The following FBXO8 variants were observed in gnomAD, a reference collection of about 807,000 sequenced individuals.
FBXO8 encodes the protein F-box protein 8.
Under a neutral mutation model 33.4 loss-of-function variants are expected in FBXO8, and 15 were observed. That is an observed-to-expected ratio of 0.45 (90% CI 0.30 to 0.69). The LOEUF is 0.69. Ranked by LOEUF, FBXO8 falls within the 30% of genes least tolerant of loss-of-function variation. FBXO8 has a pLI of 0.08. For synonymous variants in FBXO8, 132 were observed against 131.5 expected (o/e 1.00, Z -0.02); for missense variants, 274 against 380.3 (o/e 0.72, Z 2.32).
rs1201204736 is a variant in FBXO8, at chr4:174,247,492, T to C, written c.457-6274A>G. Among the ~76,000 whole-genome samples, 1 of 152,042 alleles carries C rather than the reference T, an allele frequency of 6.6e-6. No individual in the cohort carries two copies. The highest frequency in any genetic ancestry group is 1.5e-5 in the Non-Finnish European group (1 of 67,964). On this transcript the variant is annotated intron_variant, in intron 3 of 5. Coordinates refer to ENST00000393674, the MANE Select transcript of FBXO8 (RefSeq NM_012180.3). The surrounding 1 kb of genome is among the most constrained non-coding windows in gnomAD (Gnocchi z 4.6). ...AATTGGATACTGCATTTAATTTTCT[T>C]TTAAAAAAACATTTTGAAGACTTTA...
rs377627293 is a variant in FBXO8, at chr4:174,241,651, A to AT, written c.457-434dup. ...TGCCTTTCAAGGAAAGAGCTTCTTG[A>AT]TAAAAAAATGCTCCAAATGAAAGAC... On this transcript the variant is annotated intron_variant, in intron 3 of 5. Transcript: ENST00000393674. The surrounding 1 kb of genome is among the most constrained non-coding windows in gnomAD (Gnocchi z 4.2). Among the ~76,000 whole-genome samples, 315 of 149,188 alleles carry AT rather than the reference A, an allele frequency of 2.1e-3. No homozygotes were observed. In the Middle Eastern group the frequency reaches 0.024, roughly 11 times the overall value.
At chr4:174,269,112 C>A (rs1736771237) in intron 1 of FBXO8, 1 of 152,144 alleles carries the variant, frequency 6.6e-6, no homozygotes, top group Non-Finnish European at 1.5e-5. Context: ...TTGAGAGGAT[C>A]TATAGAATTC....
At chr4:174,240,312 T>C (rs1034480631) in intron 4 of FBXO8, among the ~76,000 whole-genome samples, 4 of 151,744 alleles carry the variant, frequency 2.6e-5, no homozygotes, top group Non-Finnish European at 3.0e-5. Flanking sequence ...ATCTTAATCA[T>C]CCGTGTGCTA....
chr4:174,276,324 G>GAA (rs1207119240), intron 1 of FBXO8, among the ~76,000 whole-genome samples: 7 of 152,010 alleles, frequency 4.6e-5, no homozygotes, highest in Non-Finnish European at 1.0e-4. Context: ...TGCAACCTCT[G>GAA]CCTCCTGGGT....
intron 1 of FBXO8, among the ~76,000 whole-genome samples, chr4:174,271,499 C>A (rs1736837727): frequency 6.6e-6 from 1 of 152,026 alleles, no homozygotes; most frequent in Non-Finnish European, 1.5e-5. Context: ...TAACAATGGA[C>A]CACAACCTCT....
rs1736415065 is a variant in FBXO8, at chr4:174,256,368, C to T, written c.456+3331G>A. ...TAAAATAATATATCTGATGACAGTG[C>T]TCCAGTGAGTGGGGAAAAAGAAAAC... On this transcript the variant is annotated intron_variant, in intron 3 of 5. Transcript: ENST00000393674. This position sits in a 1 kb window ranked among gnomAD's most constrained non-coding sequence, Gnocchi z 4.6. Among the ~76,000 whole-genome samples the T allele has an allele frequency of 2.0e-5, 3 of 152,128 alleles. No homozygotes were observed. The highest frequency in any genetic ancestry group is 7.2e-5 in the African/African-American group (3 of 41,434).
intron 1 of FBXO8, among the ~76,000 whole-genome samples, chr4:174,276,361 C>T (rs1736959750): frequency 6.6e-6 from 1 of 152,106 alleles, no homozygotes; most frequent in Admixed American, 6.5e-5. Context: ...CCTCAGTCTC[C>T]CGAGTAGCTG....
Position 174,253,488 on chromosome 4 carries a change from G to A in FBXO8, c.456+6211C>T, listed in dbSNP as rs1412257889. On this transcript the variant is annotated intron_variant, in intron 3 of 5. Transcript: ENST00000393674. This position sits in a 1 kb window ranked among gnomAD's most constrained non-coding sequence, Gnocchi z 4.5. ...TACCAACCAAATTGTTGTGCCACAG[G>A]TGCCAATGTTCCTCCTTTGGATACT... is the stretch of plus-strand genomic sequence containing the variant. Among the ~76,000 whole-genome samples, 1 of 152,150 alleles carries A rather than the reference G, an allele frequency of 6.6e-6. No homozygotes were observed. Among genetic ancestry groups the A allele is most frequent in the Non-Finnish European group, 1.5e-5 (1 of 68,022 alleles).
chr4:174,266,574 G>C (rs1210792770), intron 1 of FBXO8, among the ~76,000 whole-genome samples: 1 of 152,144 alleles, frequency 6.6e-6, no homozygotes, highest in Non-Finnish European at 1.5e-5. Context: ...TGTCAGAAAA[G>C]CTTTAAAACT....
rs922346140 is a variant in FBXO8, at chr4:174,274,835, T to A, written c.-9+8575A>T. Among the ~76,000 whole-genome samples the A allele has an allele frequency of 2.0e-5, 3 of 152,186 alleles. No individual in the cohort carries two copies. The highest frequency in any genetic ancestry group is 2.0e-4 in the Admixed American group (3 of 15,280). ...GGACCATAGACTTAAACGTAAAACA[T>A]AAAACTATAAAAATTTTAGAAAAAT... On this transcript the variant is annotated intron_variant, in intron 1 of 5. Coordinates refer to ENST00000393674, the MANE Select transcript of FBXO8 (RefSeq NM_012180.3). This position sits in a 1 kb window ranked among gnomAD's most constrained non-coding sequence, Gnocchi z 4.0.
Position 174,270,699 on chromosome 4 carries a change from C to T in FBXO8, c.-8-7599G>A, listed in dbSNP as rs1419965903. Among the ~76,000 whole-genome samples the T allele has an allele frequency of 6.6e-6, 1 of 151,772 alleles. No homozygotes were observed. The highest frequency in any genetic ancestry group is 2.4e-5 in the African/African-American group (1 of 41,284). Reference sequence around the variant, plus strand: ...TGGCGCGATCTCGGCTCACTGCAACCTCCACCTCCCAGGTTCAAGTGATTC... The same window carrying T: ...TGGCGCGATCTCGGCTCACTGCAACTTCCACCTCCCAGGTTCAAGTGATTC... On this transcript the variant is annotated intron_variant, in intron 1 of 5. Transcript: ENST00000393674. The surrounding 1 kb of genome is among the most constrained non-coding windows in gnomAD (Gnocchi z 4.6).
rs952775424 is a variant in FBXO8 at position 174,252,740 on chromosome 4, A to C, written c.456+6959T>G. Among the ~76,000 whole-genome samples, 1 of 148,818 alleles carries C rather than the reference A, an allele frequency of 6.7e-6. No homozygotes were observed. The highest frequency in any genetic ancestry group is 6.6e-5 in the Admixed American group (1 of 15,108). ...CCTAAAAAATAGGCTAGGTATGATG[A>C]CTCATTCCTGTAATTCCAGCACTTT... On this transcript the variant is annotated intron_variant, in intron 3 of 5. Transcript: ENST00000393674. This position sits in a 1 kb window ranked among gnomAD's most constrained non-coding sequence, Gnocchi z 5.1.
chr4:174,271,552 T>G (rs1219557208), intron 1 of FBXO8, among the ~76,000 whole-genome samples: 1 of 152,144 alleles, frequency 6.6e-6, no homozygotes, highest in African/African-American at 2.4e-5. Context: ...TGCTTAGGTA[T>G]GTACCCCAAC....
intron 3 of FBXO8, among the ~76,000 whole-genome samples, chr4:174,246,699 C>A (rs201274950): frequency 1.3e-5 from 2 of 151,304 alleles, no homozygotes; most frequent in South Asian, 4.2e-4. Flanking sequence ...GCAGGGGCAG[C>A]AAAGCCGATA....
rs1736280175 is a variant in FBXO8 at position 174,251,300 on chromosome 4, T to C, written c.456+8399A>G. 1.3e-5 allele frequency among the ~76,000 whole-genome samples: 2 copies of C among 152,136 alleles called. No individual in the cohort carries two copies. The highest frequency in any genetic ancestry group is 2.9e-5 in the Non-Finnish European group (2 of 68,008). On this transcript the variant is annotated intron_variant, in intron 3 of 5. Transcript: ENST00000393674. This position sits in a 1 kb window ranked among gnomAD's most constrained non-coding sequence, Gnocchi z 4.2. ...GGTGGTTTGATTGATGAATAAACTA[T>C]GGAATATTCTAGGGCCTGAATCTCT...
At position 174,253,717 on chromosome 4, in the gene FBXO8, G is replaced by A. The variant is rs867093493; in HGVS notation, c.456+5982C>T. Among the ~76,000 whole-genome samples, 2 of 152,288 alleles carry A rather than the reference G, an allele frequency of 1.3e-5. No homozygotes were observed. The highest frequency in any genetic ancestry group is 3.4e-3 in the Middle Eastern group (1 of 292). On this transcript the variant is annotated intron_variant, in intron 3 of 5. Transcript: ENST00000393674. This position sits in a 1 kb window ranked among gnomAD's most constrained non-coding sequence, Gnocchi z 4.5. ...TGTAATCTTTCTATTCTATTCGCTA[G>A]TGCTCTAGGGGTGCTCGTGTGATTC...
intron 1 of FBXO8, chr4:174,269,161 T>A (rs1285758127): frequency 1.3e-5 from 2 of 152,200 alleles, no homozygotes; most frequent in Non-Finnish European, 2.9e-5. Context: ...ACATGTTTTT[T>A]CTTGGTCTAC....
intron 3 of FBXO8, among the ~76,000 whole-genome samples, chr4:174,243,402 G>T (rs1736085474): frequency 1.3e-5 from 2 of 151,024 alleles, no homozygotes; most frequent in African/African-American, 4.8e-5. Context: ...CTACCAAAGT[G>T]AATGGTAAAG....
rs1344971886 is a variant in FBXO8 at position 174,259,146 on chromosome 4, AT to A, written c.456+552del. On this transcript the variant is annotated intron_variant, in intron 3 of 5. Coordinates refer to ENST00000393674, the MANE Select transcript of FBXO8 (RefSeq NM_012180.3). The surrounding 1 kb of genome is among the most constrained non-coding windows in gnomAD (Gnocchi z 4.3). ...CACATTTTGATCATGCTTACATGTT[AT>A]GTTAAGAAAGAATTAAATAATTAAT... Among the ~76,000 whole-genome samples, 1 of 151,896 alleles carries A rather than the reference AT, an allele frequency of 6.6e-6. No individual in the cohort carries two copies. The highest frequency in any genetic ancestry group is 2.4e-5 in the African/African-American group (1 of 41,398).
Sources: allele counts gnomAD v4.1 joint callset (sites outside exome capture counted in the v4.1 genomes callset), GRCh38; gene constraint gnomAD v4.1.1; non-coding constraint Gnocchi (gnomAD v3.1); transcripts MANE v1.5; gene names NCBI Gene and HGNC (gene_info 2026-07-23, HGNC 2026-07-21).